Variants in KCNIP4 observed in about 807,000 individuals in gnomAD.
The protein encoded by KCNIP4 is Kv channel-interacting protein 4.
In KCNIP4, 12 loss-of-function variants were observed where a neutral mutation model predicts 34.0. That is an observed-to-expected ratio of 0.35 (90% CI 0.23 to 0.57). The LOEUF is 0.57. Ranked by LOEUF, KCNIP4 falls within the 20% of genes least tolerant of loss-of-function variation. The pLI is 0.83. For missense variants in KCNIP4, 238 were observed against 311.7 expected (o/e 0.76, Z 1.78); for synonymous variants, 124 against 102.2 (o/e 1.21, Z -1.29).
At position 21,215,238 on chromosome 4, in the gene KCNIP4, C is replaced by T. The variant is rs80102025; in HGVS notation, c.62-332529G>A. On this transcript the variant is annotated intron_variant, in intron 1 of 8. Transcript: ENST00000382152. ...TCTGATTTATAATCATGGCTTAGAACGTATCTTCATTCCCTTGCTGTCCTT... is the reference window on the plus strand; with the variant it reads ...TCTGATTTATAATCATGGCTTAGAATGTATCTTCATTCCCTTGCTGTCCTT... Among the ~76,000 whole-genome samples, 1,322 of 152,166 alleles carry T rather than the reference C, an allele frequency of 8.7e-3. 17 individuals are homozygous for T. Among genetic ancestry groups the T allele is most frequent in the African/African-American group, 0.03 (1,243 of 41,514 alleles).
At chr4:21,452,678 T>C (rs1429396740) in intron 1 of KCNIP4, among the ~76,000 whole-genome samples, 1 of 151,754 alleles carries the variant, frequency 6.6e-6, no homozygotes, top group African/African-American at 2.4e-5. Context: ...CCATTATTAG[T>C]AGTACTATTA....
At chr4:20,817,753 C>T (rs970000944) in intron 3 of KCNIP4, among the ~76,000 whole-genome samples, 2 of 150,126 alleles carry the variant, frequency 1.3e-5, no homozygotes, top group African/African-American at 4.9e-5. Context: ...TTAGATAATG[C>T]AATTACTATG....
At chr4:21,757,011 C>T (rs1481186050) in intron 1 of KCNIP4, among the ~76,000 whole-genome samples, 4 of 150,760 alleles carry the variant, frequency 2.7e-5, no homozygotes, top group African/African-American at 9.8e-5. Context: ...GCAGCAGAAT[C>T]GCTTGAACCT....
At chr4:21,293,888 C>T (rs1019809161) in intron 1 of KCNIP4, among the ~76,000 whole-genome samples, 1 of 152,130 alleles carries the variant, frequency 6.6e-6, no homozygotes, top group African/African-American at 2.4e-5. Flanking sequence ...CCTAATTCTG[C>T]CTCTGATCAT....
At chr4:21,286,494 C>A (rs949780372) in intron 1 of KCNIP4, among the ~76,000 whole-genome samples, 2 of 152,124 alleles carry the variant, frequency 1.3e-5, no homozygotes, top group Non-Finnish European at 2.9e-5. Flanking sequence ...GAAGTATTTT[C>A]TTTGAAAAGG....
intron 1 of KCNIP4, among the ~76,000 whole-genome samples, chr4:21,470,935 T>G (rs1730415181): frequency 6.6e-6 from 1 of 152,174 alleles, no homozygotes; most frequent in Admixed American, 6.5e-5. Flanking sequence ...GCATTAATGC[T>G]TTAGGTAGAG....
intron 1 of KCNIP4, among the ~76,000 whole-genome samples, chr4:21,698,651 T>TTC (rs140293491): frequency 0.031 from 4,728 of 152,242 alleles, 224 homozygotes; most frequent in African/African-American, 0.11. Context: ...CTCCTAGAGT[T>TTC]TGTTTATTTT....
rs1577866101 is a variant in KCNIP4, at chr4:21,697,445, A to C, written c.61+251126T>G. The C allele has an allele frequency of 3.9e-6, 6 of 1,557,522 alleles. No homozygotes were observed. In the East Asian group the frequency reaches 1.2e-4, roughly 31 times the overall value. ...CTTTCTACAGCCACTCATCTTAAGC[A>C]ACAAGGTATTCCTCTGAGGAGAGCC... On this transcript the variant is annotated intron_variant, in intron 1 of 8. Transcript: ENST00000382152.
chr4:21,295,529 C>T (rs1040417146), intron 1 of KCNIP4, among the ~76,000 whole-genome samples: 1 of 152,138 alleles, frequency 6.6e-6, no homozygotes, highest in African/African-American at 2.4e-5. Context: ...GCTCACTCTG[C>T]TTCAGCTACA....
rs112089496 is a variant in KCNIP4, at chr4:21,426,902, C to CT, written c.61+521668dup. Among the ~76,000 whole-genome samples the CT allele has an allele frequency of 2.6e-3, 256 of 97,216 alleles. 1 individual carries two copies. The highest frequency in any genetic ancestry group is 5.0e-3 in the South Asian group (15 of 2,992). 63.8% of individuals were successfully genotyped at this position (97,216 alleles called of 152,430 possible). A position where few individuals can be genotyped will look rare whatever the true frequency, so the allele number is the denominator to read the frequency against. ...TTAATTAAGCATGTCACTTTTTTAA[C>CT]TTTTTTTTTTTTTTCTTTTTCATTT... is the stretch of plus-strand genomic sequence containing the variant. On this transcript the variant is annotated intron_variant, in intron 1 of 8. Coordinates refer to ENST00000382152, the MANE Select transcript of KCNIP4 (RefSeq NM_025221.6).
intron 1 of KCNIP4, among the ~76,000 whole-genome samples, chr4:21,202,414 A>T (rs1395963657): frequency 6.6e-6 from 1 of 152,186 alleles, no homozygotes; most frequent in Non-Finnish European, 1.5e-5. Context: ...AACAATAGGC[A>T]CTGAGGAATA....
chr4:21,149,559 T>A (rs1265363602), intron 1 of KCNIP4, among the ~76,000 whole-genome samples: 3 of 152,096 alleles, frequency 2.0e-5, no homozygotes, highest in Admixed American at 2.0e-4. Flanking sequence ...AAAGCAAATA[T>A]GTTAAGTTTT....
Position 21,493,106 on chromosome 4 carries a change from T to C in KCNIP4, c.61+455465A>G, listed in dbSNP as rs943216444. Among the ~76,000 whole-genome samples the C allele has an allele frequency of 4.6e-5, 7 of 151,034 alleles. No homozygotes were observed. The East Asian group carries it at 1.4e-3, about 29-fold the overall frequency. The stretch of plus-strand genomic sequence containing the variant: ...TTTCCCTTTAGGTCAGGAATCCAAA[T>C]GCTGGCTCTCTCTTGGGATATAAAT... On this transcript the variant is annotated intron_variant, in intron 1 of 8. Coordinates refer to ENST00000382152, the MANE Select transcript of KCNIP4 (RefSeq NM_025221.6).
chr4:20,954,194 A>G lies in KCNIP4; in HGVS notation c.62-71485T>C, dbSNP rs12650416. Among the ~76,000 whole-genome samples the G allele has an allele frequency of 1.2e-4, 18 of 152,322 alleles. No individual in the cohort carries two copies. In the East Asian group the frequency reaches 2.1e-3, roughly 18 times the overall value. The stretch of plus-strand genomic sequence containing the variant: ...CCTGGAGAAGCTCAAAGTAATAAAC[A>G]GAGTTCACAATCCAAAAGCAAGCAC... On this transcript the variant is annotated intron_variant, in intron 1 of 8. Transcript: ENST00000382152.
At chr4:21,820,597 T>C (rs1722299629) in intron 1 of KCNIP4, among the ~76,000 whole-genome samples, 1 of 150,148 alleles carries the variant, frequency 6.7e-6, no homozygotes, top group African/African-American at 2.5e-5. Context: ...TCTGCCATTT[T>C]AATTCATAAG....
intron 1 of KCNIP4, among the ~76,000 whole-genome samples, chr4:21,592,837 T>C (rs891843995): frequency 1.1e-4 from 17 of 152,110 alleles, no homozygotes; most frequent in Non-Finnish European, 2.5e-4. Flanking sequence ...TAAAATATTT[T>C]TTTTGGTGTT....
chr4:21,111,893 G>C (rs917048202), intron 1 of KCNIP4, among the ~76,000 whole-genome samples: 2 of 152,188 alleles, frequency 1.3e-5, no homozygotes, highest in African/African-American at 4.8e-5. Context: ...ATGGAGAAGG[G>C]AAAAGAGGAA....
chr4:20,796,243 T>A (rs1713441376), intron 3 of KCNIP4, among the ~76,000 whole-genome samples: 1 of 152,218 alleles, frequency 6.6e-6, no homozygotes, highest in South Asian at 2.1e-4. Context: ...CTGAATCTCT[T>A]AGTGGCCAAT....
chr4:21,027,408 T>C (rs1740649431), intron 1 of KCNIP4, among the ~76,000 whole-genome samples: 1 of 151,854 alleles, frequency 6.6e-6, no homozygotes, highest in Non-Finnish European at 1.5e-5. Context: ...ATCAAGAGCA[T>C]TTGGCATTAG....
Sources: gnomAD v4.1 joint callset for allele counts (sites outside exome capture counted in the v4.1 genomes callset) on GRCh38, gnomAD v4.1.1 for gene constraint, MANE v1.5 for transcripts, NCBI Gene and HGNC (gene_info 2026-07-23, HGNC 2026-07-21) for gene names.